SCN11A: variants seen among roughly 807,000 people sequenced by gnomAD.
SCN11A encodes sodium voltage-gated channel alpha subunit 11.
SCN11A carries 122 observed loss-of-function variants against 162.2 expected under a neutral mutation model. That is an observed-to-expected ratio of 0.75 (90% CI 0.65 to 0.87). SCN11A has a LOEUF of 0.87. Ranked by LOEUF, SCN11A falls within the 40% of genes least tolerant of loss-of-function variation. The pLI, the probability that SCN11A is intolerant of heterozygous loss-of-function variation, is 0.00. For missense variants in SCN11A, 2,015 were observed against 2,181.6 expected, an observed-to-expected ratio of 0.92 and a Z score of 1.52; for synonymous variants, 758 against 751.5, an observed-to-expected ratio of 1.01 and a Z score of -0.14.
chr3:38,944,871 G>A (rs1487536327), intron 7 of SCN11A, among the ~76,000 whole-genome samples: 1 of 152,042 alleles, frequency 6.6e-6, no homozygotes, highest in Non-Finnish European at 1.5e-5. Flanking sequence ...GCTGAGGGAA[G>A]AGAATCGCTT....
intron 23 of SCN11A, among the ~76,000 whole-genome samples, chr3:38,873,781 A>G (rs1006096658): frequency 1.3e-5 from 2 of 152,228 alleles, no homozygotes; most frequent in African/African-American, 2.4e-5. Context: ...TCTTCAAGTG[A>G]GAAGTCTTCT....
intron 2 of SCN11A, among the ~76,000 whole-genome samples, chr3:39,012,115 C>G (rs1001355650): frequency 6.6e-6 from 1 of 151,940 alleles, no homozygotes; most frequent in Non-Finnish European, 1.5e-5. Flanking sequence ...CACCTGAGGT[C>G]GGAAGTTCGA....
intron 2 of SCN11A, among the ~76,000 whole-genome samples, chr3:38,970,899 G>A (rs1452774011): frequency 6.6e-6 from 1 of 152,176 alleles, no homozygotes; most frequent in African/African-American, 2.4e-5. Context: ...TGAAAGCCCA[G>A]ACTACCTGAT....
At chr3:38,982,759 G>A (rs1489643488) in intron 2 of SCN11A, among the ~76,000 whole-genome samples, 2 of 152,150 alleles carry the variant, frequency 1.3e-5, no homozygotes, top group Non-Finnish European at 1.5e-5. Context: ...GGTCAGGAAA[G>A]GAAAACCAGG....
intron 3 of SCN11A, among the ~76,000 whole-genome samples, chr3:38,959,974 G>C (rs1575336840): frequency 6.6e-6 from 1 of 152,142 alleles, no homozygotes; most frequent in East Asian, 1.9e-4. Context: ...GATTTGAGAT[G>C]ACCTTTTCTA....
chr3:38,904,238 G>A lies in SCN11A; in HGVS notation c.1604-135C>T. The A allele has an allele frequency of 1.3e-5, 7 of 552,494 alleles. No individual in the cohort carries two copies. In the South Asian group the frequency reaches 2.0e-4, roughly 16 times the overall value. 34.2% of individuals were successfully genotyped at this position (552,494 alleles called of 1,614,324 possible). ...TCAGTTGTGAAATGTTTTGATTTGT[G>A]TAGTCAGAAAGGTTTTTCCACCAAT... On this transcript the variant is annotated intron_variant, in intron 15 of 29. Coordinates refer to ENST00000302328, the MANE Select transcript of SCN11A (RefSeq NM_001349253.2).
At chr3:38,972,776 A>G (rs2066824117) in intron 2 of SCN11A, among the ~76,000 whole-genome samples, 1 of 152,024 alleles carries the variant, frequency 6.6e-6, no homozygotes, top group Non-Finnish European at 1.5e-5. Flanking sequence ...TGAATTTATT[A>G]TGGGCTGCAT....
At chr3:38,960,129 A>G (rs912518432) in intron 3 of SCN11A, among the ~76,000 whole-genome samples, 154 bp downstream of exon 3, 3 of 152,118 alleles carry the variant, frequency 2.0e-5, no homozygotes, top group East Asian at 1.9e-4. Flanking sequence ...GCTGAGCCAT[A>G]TATCTCGTAC....
intron 11 of SCN11A, among the ~76,000 whole-genome samples, chr3:38,910,958 G>A (rs1307411581): frequency 6.6e-6 from 1 of 152,014 alleles, no homozygotes; most frequent in Non-Finnish European, 1.5e-5. Flanking sequence ...CATGCACATG[G>A]CTTAAAAATT....
intron 7 of SCN11A, among the ~76,000 whole-genome samples, chr3:38,930,959 G>A (rs2066230973): frequency 6.6e-6 from 1 of 152,126 alleles, no homozygotes; most frequent in Non-Finnish European, 1.5e-5. Context: ...TCCCATAATA[G>A]AGAAAGAAGG....
Position 38,945,478 on chromosome 3 carries a change from T to A in SCN11A, c.421A>T (p.Ile141Phe). ...CCTGTAGCCATGAACACGCAGTTGATGATAACGGTGCCGATAATGAACATG... is the reference window on the plus strand; with the variant it reads ...CCTGTAGCCATGAACACGCAGTTGAAGATAACGGTGCCGATAATGAACATG... ...FSMFIIGTVI[I>F]NCVFMATGPA... is the part of the protein sequence containing the mutation. Residue 141 changes from isoleucine (I) to phenylalanine (F), a missense_variant, in exon 7 of 30, where the codon ATC becomes TTC. Transcript: ENST00000302328. 1 of 1,592,384 alleles carries A rather than the reference T, an allele frequency of 6.3e-7. No homozygotes were observed. The highest frequency in any genetic ancestry group is 8.6e-7 in the Non-Finnish European group (1 of 1,164,896).
chr3:38,973,175 C>T (rs72855779), intron 2 of SCN11A, among the ~76,000 whole-genome samples: 8,240 of 152,160 alleles, frequency 0.054, 734 homozygotes, highest in African/African-American at 0.18. Flanking sequence ...GTCACTTTTT[C>T]TAAACAATAT....
chr3:39,036,905 A>T (rs1161434248), intron 1 of SCN11A, among the ~76,000 whole-genome samples: 1 of 152,240 alleles, frequency 6.6e-6, no homozygotes, highest in Non-Finnish European at 1.5e-5. Flanking sequence ...ACTCTGGAGA[A>T]CAGTATAGAA....
intron 28 of SCN11A, among the ~76,000 whole-genome samples, chr3:38,851,794 A>T (rs2064784734): frequency 6.6e-6 from 1 of 152,226 alleles, no homozygotes; most frequent in African/African-American, 2.4e-5. Flanking sequence ...ATCCAGGCAA[A>T]GATGATGTTG....
intron 23 of SCN11A, among the ~76,000 whole-genome samples, chr3:38,876,135 TG>T (rs2065203382): frequency 6.6e-6 from 1 of 152,044 alleles, no homozygotes. Flanking sequence ...CAACAAATGG[TG>T]CTGGGATAAC....
At chr3:39,021,052 T>A (rs938432797) in intron 2 of SCN11A, among the ~76,000 whole-genome samples, 15 of 151,324 alleles carry the variant, frequency 9.9e-5, no homozygotes, top group African/African-American at 2.9e-4. Context: ...AAAAAAAAAA[T>A]AAGCTTATGC....
chr3:38,998,992 G>A (rs1275763682), intron 2 of SCN11A, among the ~76,000 whole-genome samples: 4 of 151,938 alleles, frequency 2.6e-5, no homozygotes, highest in African/African-American at 7.3e-5. Flanking sequence ...CACCAGCATG[G>A]CACATGTATA....
In SCN11A at chr3:38,950,233, T is replaced by G; in HGVS notation, c.130A>C (p.Thr44Pro). The G allele has an allele frequency of 6.2e-7, 1 of 1,614,048 alleles. No homozygotes were observed. Among genetic ancestry groups the G allele is most frequent in the Non-Finnish European group, 8.5e-7 (1 of 1,180,006 alleles). The change falls in exon 5 of 30, where the codon ACA becomes CCA. Residue 44 changes from threonine (T) to proline (P), a missense_variant. Transcript: ENST00000302328. ...QKEKKKSKDQ[T>P]GEVPQPRPQL... ...GGCCGAGGCTGGGGTACTTCTCCTG[T>G]CTGGTCTTTAGACTTCTTTTTCTCC...
rs1369779776 is a variant in SCN11A at position 38,869,971 on chromosome 3, A to C, written c.3813+720T>G. 2.0e-5 allele frequency among the ~76,000 whole-genome samples: 3 copies of C among 152,184 alleles called. No homozygotes were observed. In the East Asian group the frequency reaches 5.8e-4, roughly 29 times the overall value. ...ACTGAATACTTTTTAGGTGTTAGGC[A>C]TCAACTCTGCAGACTCCCAAATAGG... On this transcript the variant is annotated intron_variant, in intron 26 of 29. Coordinates refer to ENST00000302328, the MANE Select transcript of SCN11A (RefSeq NM_001349253.2).
Sources: allele counts gnomAD v4.1 joint callset (sites outside exome capture counted in the v4.1 genomes callset), GRCh38; gene constraint gnomAD v4.1.1; transcripts MANE v1.5; gene names NCBI Gene and HGNC (gene_info 2026-07-23, HGNC 2026-07-21).